EPHA3: variants seen among roughly 807,000 people sequenced by gnomAD.
EPHA3 encodes EPH receptor A3.
In EPHA3, 42 loss-of-function variants were observed where a neutral mutation model predicts 107.1. The observed-to-expected ratio is 0.39, with a 90% CI of 0.31 to 0.51. EPHA3 has a LOEUF of 0.51. Among genes scored for constraint, EPHA3 ranks in the 20% least tolerant of loss-of-function variants. The pLI is 0.78. For missense variants in EPHA3, 1,183 were observed against 1,211.2 expected (o/e 0.98, Z 0.35); for synonymous variants, 461 against 424.8 (o/e 1.09, Z -1.05).
At chr3:89,478,905 C>A (rs992953887) in intron 16 of EPHA3, among the ~76,000 whole-genome samples, 3 of 152,152 alleles carry the variant, frequency 2.0e-5, no homozygotes, top group African/African-American at 4.8e-5. Context: ...GTTGGCAGTA[C>A]CATAATTGCT....
At chr3:89,190,141 T>C (rs923073469) in intron 2 of EPHA3, among the ~76,000 whole-genome samples, 1 of 152,230 alleles carries the variant, frequency 6.6e-6, no homozygotes, top group Non-Finnish European at 1.5e-5. Context: ...ATTTATATTA[T>C]ATATCTTATT....
intron 3 of EPHA3, among the ~76,000 whole-genome samples, chr3:89,270,483 T>C (rs1286154802): frequency 1.3e-5 from 2 of 152,098 alleles, no homozygotes; most frequent in Non-Finnish European, 2.9e-5. Context: ...TCCTCACTTC[T>C]GTCTTATTTC....
intron 5 of EPHA3, among the ~76,000 whole-genome samples, chr3:89,390,785 A>ATT (rs528841771): frequency 3.6e-4 from 47 of 132,130 alleles, no homozygotes; most frequent in East Asian, 2.4e-3. Flanking sequence ...ATTGAAAAGC[A>ATT]TTTTTTTTTT....
rs1706204601 is a variant in EPHA3 at position 89,291,462 on chromosome 3, CAG to C, written c.815-49452_815-49451del. On this transcript the variant is annotated intron_variant, in intron 3 of 16. Transcript: ENST00000336596. Reference sequence around the variant, plus strand: ...AATGTGACAAAGAAAAAGATAGAGACAGATATATAGAGATATAGATAAAGAAC... The same window carrying C: ...AATGTGACAAAGAAAAAGATAGAGACATATATAGAGATATAGATAAAGAAC... 2.6e-5 allele frequency among the ~76,000 whole-genome samples: 4 copies of C among 151,834 alleles called. No individual in the cohort carries two copies. In the South Asian group the frequency reaches 8.3e-4, roughly 32 times the overall value.
At chr3:89,171,987 T>G (rs1179854113) in intron 2 of EPHA3, among the ~76,000 whole-genome samples, 1 of 152,134 alleles carries the variant, frequency 6.6e-6, no homozygotes, top group Non-Finnish European at 1.5e-5. Context: ...AGATTGCAAT[T>G]TCTTCCATTC....
At chr3:89,320,435 G>C (rs752041422) in intron 3 of EPHA3, among the ~76,000 whole-genome samples, 9 of 151,986 alleles carry the variant, frequency 5.9e-5, no homozygotes, top group Non-Finnish European at 1.2e-4. Flanking sequence ...AGAAACTAAA[G>C]GTGACTACAG....
intron 5 of EPHA3, among the ~76,000 whole-genome samples, chr3:89,388,105 T>G (rs1708658676): frequency 6.6e-6 from 1 of 152,208 alleles, no homozygotes; most frequent in African/African-American, 2.4e-5. Context: ...TTGAATAACA[T>G]AAGTTTATAG....
chr3:89,286,927 T>G (rs1429017027), intron 3 of EPHA3, among the ~76,000 whole-genome samples: 2 of 152,188 alleles, frequency 1.3e-5, no homozygotes, highest in Non-Finnish European at 1.5e-5. Flanking sequence ...TTAGTTGTTC[T>G]TATTTCTACC....
At chr3:89,375,055 A>G (rs1708377133) in intron 5 of EPHA3, among the ~76,000 whole-genome samples, 1 of 151,792 alleles carries the variant, frequency 6.6e-6, no homozygotes. Context: ...TTGCTGGGGT[A>G]GAGATATATT....
chr3:89,213,804 C>T (rs1311431976), intron 3 of EPHA3, among the ~76,000 whole-genome samples: 1 of 151,912 alleles, frequency 6.6e-6, no homozygotes, highest in Non-Finnish European at 1.5e-5. Context: ...TGGCTCACCT[C>T]GTAAAGACTA....
intron 5 of EPHA3, among the ~76,000 whole-genome samples, chr3:89,386,405 A>G (rs907856053): frequency 1.3e-5 from 2 of 152,208 alleles, no homozygotes; most frequent in African/African-American, 4.8e-5. Flanking sequence ...AGGCCAAGGT[A>G]TAGCTTGGGC....
intron 10 of EPHA3, among the ~76,000 whole-genome samples, chr3:89,418,581 C>G (rs1709295539): frequency 6.6e-6 from 1 of 150,970 alleles, no homozygotes. Context: ...GAAGATGAAT[C>G]TAAAATATTT....
intron 11 of EPHA3, among the ~76,000 whole-genome samples, chr3:89,420,167 C>T (rs1024742445): frequency 6.6e-6 from 1 of 151,412 alleles, no homozygotes; most frequent in Non-Finnish European, 1.5e-5. Context: ...AAATTGGCAG[C>T]AAACTTTTTA....
chr3:89,227,441 T>C (rs1299803190), intron 3 of EPHA3, among the ~76,000 whole-genome samples: 1 of 152,014 alleles, frequency 6.6e-6, no homozygotes, highest in African/African-American at 2.4e-5. Context: ...AATCATGCAT[T>C]TCCTGTGTAT....
chr3:89,408,075 G>A lies in EPHA3; in HGVS notation c.1706G>A (p.Gly569Asp). ...CCTTGATTTACCTCCAGGTTCTGTG[G>A]CTATAAGTCAAAACATGGGGCAGAT... ...VIYVLIGRFCGYKSKHGADEK... is the reference protein window; with the variant it reads ...VIYVLIGRFCDYKSKHGADEK... The change falls in exon 9 of 17, where the codon GGC becomes GAC. Residue 569 changes from glycine to aspartate, a missense_variant. By Grantham distance (94) the Gly-to-Asp change is moderately conservative (BLOSUM62 -1). Transcript: ENST00000336596. The A allele has an allele frequency of 6.2e-7, 1 of 1,612,732 alleles. No individual in the cohort carries two copies. The highest frequency in any genetic ancestry group is 8.5e-7 in the Non-Finnish European group (1 of 1,179,062).
intron 3 of EPHA3, among the ~76,000 whole-genome samples, chr3:89,280,883 C>T (rs1053344079): frequency 6.6e-6 from 1 of 151,832 alleles, no homozygotes; most frequent in East Asian, 1.9e-4. Context: ...TCATGATTCT[C>T]GTGATTAGAA....
At chr3:89,132,009 A>G (rs1325523927) in intron 2 of EPHA3, among the ~76,000 whole-genome samples, 1 of 152,184 alleles carries the variant, frequency 6.6e-6, no homozygotes, top group African/African-American at 2.4e-5. Flanking sequence ...CATGACCATG[A>G]TAGTTATTGT....
In EPHA3 at chr3:89,116,911, A is replaced by G. The variant is rs564562715; in HGVS notation, c.88+9075A>G. ...TTTTTTATATTCATATTTGTTACTC[A>G]TTTTCCTATTATTTGATTTTTTTAT... On this transcript the variant is annotated intron_variant, in intron 1 of 16. Coordinates refer to ENST00000336596, the MANE Select transcript of EPHA3 (RefSeq NM_005233.6). Among the ~76,000 whole-genome samples the G allele has an allele frequency of 2.6e-5, 4 of 151,922 alleles. No individual in the cohort carries two copies. The South Asian group carries it at 6.2e-4, about 24-fold the overall frequency.
intron 1 of EPHA3, among the ~76,000 whole-genome samples, chr3:89,117,217 A>T (rs1707278795): frequency 6.6e-6 from 1 of 152,114 alleles, no homozygotes; most frequent in Non-Finnish European, 1.5e-5. Flanking sequence ...AAATAGATGA[A>T]TAAGATCTAA....
Sources: allele counts gnomAD v4.1 joint callset (sites outside exome capture counted in the v4.1 genomes callset), GRCh38; gene constraint gnomAD v4.1.1; transcripts MANE v1.5; gene names NCBI Gene and HGNC (gene_info 2026-07-23, HGNC 2026-07-21).